Variants in HAPLN1 observed in about 807,000 individuals in gnomAD.
HAPLN1 encodes Cartilage link protein.
In HAPLN1, 13 loss-of-function variants were observed where a neutral mutation model predicts 36.5. The ratio of observed to expected loss-of-function variants is 0.36; its 90% confidence interval spans 0.23 to 0.57. The LOEUF (loss-of-function observed/expected upper bound fraction) is 0.57. HAPLN1 is among the 20% of genes least tolerant of loss of function. HAPLN1 has a pLI of 0.83. For synonymous variants in HAPLN1, 202 were observed against 169.8 expected (o/e 1.19, Z -1.48); for missense variants, 407 against 439.7 (o/e 0.93, Z 0.66).
chr5:83,654,616 T>G (rs2112570042), intron 2 of HAPLN1, among the ~76,000 whole-genome samples: 2 of 152,306 alleles, frequency 1.3e-5, no homozygotes, highest in Admixed American at 1.3e-4. Context: ...GGGTGGTGTG[T>G]GGGAACACTC....
At chr5:83,705,790 G>T (rs990413106) in intron 1 of HAPLN1, among the ~76,000 whole-genome samples, 2 of 152,004 alleles carry the variant, frequency 1.3e-5, no homozygotes, top group African/African-American at 2.4e-5. Context: ...CCAGGAGTTG[G>T]TTTTTTGAAA....
intron 2 of HAPLN1, among the ~76,000 whole-genome samples, chr5:83,661,990 A>C (rs754254656): frequency 6.6e-6 from 1 of 152,194 alleles, no homozygotes; most frequent in South Asian, 2.1e-4. Context: ...ACCTGGGACA[A>C]GCTATGTAAC....
intron 1 of HAPLN1, among the ~76,000 whole-genome samples, chr5:83,680,733 A>G (rs555214825): frequency 6.6e-6 from 1 of 152,200 alleles, no homozygotes; most frequent in Non-Finnish European, 1.5e-5. Context: ...CTAGAACACT[A>G]AAAACTAGAC....
chr5:83,680,908 A>G (rs1750983402), intron 1 of HAPLN1, among the ~76,000 whole-genome samples: 1 of 152,194 alleles, frequency 6.6e-6, no homozygotes, highest in African/African-American at 2.4e-5. Flanking sequence ...ATAAATAAGC[A>G]GTACTGCCAC....
chr5:83,685,943 T>C (rs991026426), intron 1 of HAPLN1: 3 of 152,126 alleles, frequency 2.0e-5, no homozygotes, highest in Admixed American at 2.0e-4. Flanking sequence ...CAAGAGCATA[T>C]GACTATCTAT....
rs914299708 is a variant in HAPLN1, at chr5:83,641,432, GA to G, written c.*63del. 981 of 1,287,752 alleles carry G rather than the reference GA, an allele frequency of 7.6e-4. 2 individuals carry two copies. The highest frequency in any genetic ancestry group is 1.8e-3 in the African/African-American group (117 of 65,466). 79.8% of individuals were successfully genotyped at this position (1,287,752 alleles called of 1,614,324 possible). A position where few individuals can be genotyped will look rare whatever the true frequency, so the allele number is the denominator to read the frequency against. ...TGGTAACTTGCATGAGTTCATATTG[GA>G]AAAAAAAAACACCTTTCACATGTTC... On this transcript the variant is annotated 3_prime_UTR_variant, in exon 5 of 5. Coordinates refer to ENST00000274341, the MANE Select transcript of HAPLN1 (RefSeq NM_001884.4).
chr5:83,702,631 T>C (rs1163497370), intron 1 of HAPLN1, among the ~76,000 whole-genome samples: 1 of 152,170 alleles, frequency 6.6e-6, no homozygotes, highest in Non-Finnish European at 1.5e-5. Flanking sequence ...TTTCTTAAAG[T>C]GGAAAGAAAA....
At chr5:83,643,501 C>T (rs1749765669) in intron 4 of HAPLN1, among the ~76,000 whole-genome samples, 1 of 152,148 alleles carries the variant, frequency 6.6e-6, no homozygotes, top group South Asian at 2.1e-4. Flanking sequence ...CCACACAGGG[C>T]CCCACACGGA....
At chr5:83,697,765 A>G (rs1224359213) in intron 1 of HAPLN1, among the ~76,000 whole-genome samples, 1 of 152,116 alleles carries the variant, frequency 6.6e-6, no homozygotes, top group Non-Finnish European at 1.5e-5. Context: ...TTAGGGGTAT[A>G]ACTCGTATTT....
At chr5:83,658,715 G>A (rs1580128870) in intron 2 of HAPLN1, among the ~76,000 whole-genome samples, 1 of 151,992 alleles carries the variant, frequency 6.6e-6, no homozygotes, top group African/African-American at 2.4e-5. Flanking sequence ...CTATCTTTTG[G>A]TCATGATTCT....
chr5:83,687,147 G>A (rs1481293829), intron 1 of HAPLN1, among the ~76,000 whole-genome samples: 1 of 152,074 alleles, frequency 6.6e-6, no homozygotes, highest in Non-Finnish European at 1.5e-5. Flanking sequence ...AGGAAATCAG[G>A]AAAAGAAAAT....
intron 1 of HAPLN1, among the ~76,000 whole-genome samples, chr5:83,699,329 C>T (rs1751456255): frequency 6.6e-6 from 1 of 152,168 alleles, no homozygotes; most frequent in African/African-American, 2.4e-5. Context: ...GCTGCTCACC[C>T]TGAATGACGC....
chr5:83,692,376 A>C (rs1273469098), intron 1 of HAPLN1, among the ~76,000 whole-genome samples: 3 of 151,910 alleles, frequency 2.0e-5, no homozygotes, highest in Admixed American at 2.0e-4. Flanking sequence ...AGAAAATCTG[A>C]AAGAAAGGAA....
chr5:83,652,858 CTATT>C (rs753629809), intron 2 of HAPLN1, 34 bp from the exon 3 acceptor site: 3 of 1,494,922 alleles, frequency 2.0e-6, no homozygotes, highest in Non-Finnish European at 2.7e-6. Context: ...AAGAAAATAA[CTATT>C]AATATACTTT....
chr5:83,650,624 ATTCTT>A (rs1446837808), intron 3 of HAPLN1, among the ~76,000 whole-genome samples: 2 of 145,450 alleles, frequency 1.4e-5, no homozygotes, highest in African/African-American at 2.6e-5. Flanking sequence ...GGAGAAAAAA[ATTCTT>A]TTCTTTTTTT....
intron 1 of HAPLN1, among the ~76,000 whole-genome samples, chr5:83,681,029 T>C (rs1750986141): frequency 6.6e-6 from 1 of 152,198 alleles, no homozygotes; most frequent in Non-Finnish European, 1.5e-5. Flanking sequence ...GACATACTCA[T>C]ATAGGAAAGA....
chr5:83,644,552 C>T lies in HAPLN1; in HGVS notation c.586G>A (p.Asp196Asn), dbSNP rs143710016. Reference protein sequence around the residue: ...AVIASFDQLYDAWRGGLDWCN... With the variant: ...AVIASFDQLYNAWRGGLDWCN... Reference sequence around the variant, plus strand: ...CAGTCCAGCCCGCCCCGCCAGGCGTCGTACAGCTGGTCGAAGGAGGCGATC... The same window carrying T: ...CAGTCCAGCCCGCCCCGCCAGGCGTTGTACAGCTGGTCGAAGGAGGCGATC... The change falls in exon 4 of 5, where the codon GAC becomes AAC. Residue 196 changes from aspartate to asparagine, a missense_variant. Physicochemically the swap from Asp to Asn is conservative, Grantham distance 23. Coordinates refer to ENST00000274341, the MANE Select transcript of HAPLN1 (RefSeq NM_001884.4). 66 of 1,603,788 alleles carry T rather than the reference C, an allele frequency of 4.1e-5. No homozygotes were observed. Among genetic ancestry groups the T allele is most frequent in the Non-Finnish European group, 5.4e-5 (64 of 1,175,566 alleles).
chr5:83,680,786 C>A (rs947982502), intron 1 of HAPLN1, among the ~76,000 whole-genome samples: 1 of 152,032 alleles, frequency 6.6e-6, no homozygotes, highest in African/African-American at 2.4e-5. Context: ...AAAAATGCAG[C>A]CTTCATAGGC....
intron 1 of HAPLN1, among the ~76,000 whole-genome samples, chr5:83,716,266 T>C (rs920062030): frequency 2.0e-5 from 3 of 152,342 alleles, no homozygotes; most frequent in Admixed American, 6.5e-5. Flanking sequence ...TAGTAACCAG[T>C]AGAGTAAATT....
Sources: allele counts gnomAD v4.1 joint callset (sites outside exome capture counted in the v4.1 genomes callset), GRCh38; gene constraint gnomAD v4.1.1; transcripts MANE v1.5; gene names NCBI Gene and HGNC (gene_info 2026-07-23, HGNC 2026-07-21).